Variants in ACTN2 observed in about 807,000 individuals in gnomAD.
The protein encoded by ACTN2 is actinin alpha 2, also known as alpha-actinin-2.
ACTN2 carries 39 observed loss-of-function variants against 113.8 expected under a neutral mutation model. The observed-to-expected ratio is 0.34, with a 90% CI of 0.27 to 0.45. The LOEUF (loss-of-function observed/expected upper bound fraction) is 0.45, where lower values mean the gene tolerates loss of function less well. ACTN2 is among the 20% of genes least tolerant of loss of function. The pLI is 1.00. For synonymous variants in ACTN2, 429 were observed against 444.1 expected (o/e 0.97, Z 0.43); for missense variants, 992 against 1,177.9 (o/e 0.84, Z 2.31).
chr1:236,703,547 T>C (rs1040781464), intron 1 of ACTN2, among the ~76,000 whole-genome samples: 74 of 151,836 alleles, frequency 4.9e-4, no homozygotes, highest in Non-Finnish European at 1.2e-4. Flanking sequence ...TAAAATAGTT[T>C]GGGAAGAATC....
In ACTN2 at chr1:236,754,877, A is replaced by G. The variant is rs1659505560; in HGVS notation, c.1975-142A>G. On this transcript the variant is annotated intron_variant, in intron 16 of 20. Coordinates refer to ENST00000366578, the MANE Select transcript of ACTN2 (RefSeq NM_001103.4). This position sits in a 1 kb window ranked among gnomAD's most constrained non-coding sequence, Gnocchi z 4.9. ...CTACCCAGTCCCCACTTCCTCTGAG[A>G]AAAGTGAACCGAGTGACACTGGCCG... The G allele has an allele frequency of 1.1e-6, 1 of 934,502 alleles. No individual in the cohort carries two copies. Among genetic ancestry groups the G allele is most frequent in the Non-Finnish European group, 1.7e-6 (1 of 572,114 alleles). 57.9% of individuals were successfully genotyped at this position (934,502 alleles called of 1,614,324 possible).
At chr1:236,723,827 C>G (rs1658469475) in intron 4 of ACTN2, among the ~76,000 whole-genome samples, 1 of 152,050 alleles carries the variant, frequency 6.6e-6, no homozygotes, top group African/African-American at 2.4e-5. Context: ...CAACCCCTTC[C>G]TAAGATGGAA....
At chr1:236,731,094 T>A in intron 6 of ACTN2, 139 bp from the exon 7 acceptor site, 1 of 647,298 alleles carries the variant, frequency 1.5e-6, no homozygotes, top group Non-Finnish European at 2.7e-6. Flanking sequence ...TGGGAAAAGA[T>A]GAAAAGGAAA....
Position 236,762,611 on chromosome 1 carries a change from G to A in ACTN2, c.2677G>A (p.Asp893Asn), listed in dbSNP as rs142646143. 1.1e-4 allele frequency: 175 copies of A among 1,613,832 alleles called. No homozygotes were observed. The highest frequency in any genetic ancestry group is 1.4e-4 in the Non-Finnish European group (162 of 1,179,956). Residue 893 changes from aspartate (D) to asparagine (N), a missense_variant, in exon 21 of 21, where the codon GAT (aspartate) becomes AAT (asparagine). By Grantham distance (23) the Asp-to-Asn change is conservative (BLOSUM62 1). Transcript: ENST00000366578. ...CTCTTCCGCACTCTACGGGGAGAGC[G>A]ATCTGTGATGCTGAGCTTCTGTAAT... ...AFSSALYGESDL is the reference protein window; with the variant it reads ...AFSSALYGESNL
At chr1:236,701,565 G>A (rs980103829) in intron 1 of ACTN2, among the ~76,000 whole-genome samples, 3 of 152,026 alleles carry the variant, frequency 2.0e-5, no homozygotes, top group Non-Finnish European at 4.4e-5. Flanking sequence ...TATACTTTTG[G>A]TTTTGTATTA....
chr1:236,762,166 A>G (rs541318538), intron 20 of ACTN2, among the ~76,000 whole-genome samples: 1 of 152,180 alleles, frequency 6.6e-6, no homozygotes, highest in African/African-American at 2.4e-5. Flanking sequence ...CTGGTATGAA[A>G]TGCAGATCAT....
intron 14 of ACTN2, among the ~76,000 whole-genome samples, chr1:236,750,433 C>T (rs769239617): frequency 1.3e-5 from 2 of 152,162 alleles, no homozygotes; most frequent in African/African-American, 4.8e-5. Flanking sequence ...GGCCAACAGT[C>T]TAAAATCGTT....
intron 1 of ACTN2, among the ~76,000 whole-genome samples, chr1:236,715,120 T>C (rs1012421204): frequency 6.6e-6 from 1 of 151,692 alleles, no homozygotes; most frequent in African/African-American, 2.4e-5. Flanking sequence ...TGGATTTTTC[T>C]TTGAACCCTT....
intron 1 of ACTN2, among the ~76,000 whole-genome samples, chr1:236,704,721 C>T (rs561434185): frequency 1.3e-5 from 2 of 152,190 alleles, no homozygotes. Flanking sequence ...CCCAGCAGGT[C>T]GCCCTCCAGG....
chr1:236,700,344 A>C (rs1051506908), intron 1 of ACTN2, among the ~76,000 whole-genome samples: 3 of 152,188 alleles, frequency 2.0e-5, no homozygotes, highest in African/African-American at 7.2e-5. Flanking sequence ...CACCACACCC[A>C]GCTAATTGTC....
At chr1:236,750,845 T>C (rs1321595667) in intron 14 of ACTN2, among the ~76,000 whole-genome samples, 1 of 151,936 alleles carries the variant, frequency 6.6e-6, no homozygotes, top group East Asian at 1.9e-4. Flanking sequence ...TCCCAACACT[T>C]TGGGAGGCCA....
intron 1 of ACTN2, among the ~76,000 whole-genome samples, chr1:236,701,395 T>C (rs1202058418): frequency 1.3e-5 from 2 of 152,196 alleles, no homozygotes; most frequent in East Asian, 3.8e-4. Context: ...ATCTCATATA[T>C]AGTCTAGTAA....
Position 236,727,659 on chromosome 1 carries a change from C to T in ACTN2, c.537-19C>T. The T allele has an allele frequency of 1.2e-6, 2 of 1,613,850 alleles. No homozygotes were observed. Among genetic ancestry groups the T allele is most frequent in the South Asian group, 1.1e-5 (1 of 91,068 alleles). The stretch of plus-strand genomic sequence containing the variant: ...CTCTCCACTAACACGTGTTCCTGTT[C>T]TTCTCGACGGCTGTGAAGCTGGAAA... On this transcript the variant is annotated intron_variant, in intron 5 of 20. Transcript: ENST00000366578.
At chr1:236,749,022 C>T (rs1432176253) in intron 13 of ACTN2, 102 bp from the exon 14 acceptor site, 2 of 1,303,004 alleles carry the variant, frequency 1.5e-6, no homozygotes, top group African/African-American at 2.9e-5. Flanking sequence ...ATACGATTAA[C>T]AGAATATCAG....
chr1:236,702,346 A>G (rs1657703055), intron 1 of ACTN2, among the ~76,000 whole-genome samples: 1 of 152,218 alleles, frequency 6.6e-6, no homozygotes, highest in Admixed American at 6.5e-5. Context: ...TGCTCTCCTG[A>G]ATTATTGTTT....
At chr1:236,690,576 G>A (rs1666044456) in intron 1 of ACTN2, among the ~76,000 whole-genome samples, 1 of 152,128 alleles carries the variant, frequency 6.6e-6, no homozygotes, top group South Asian at 2.1e-4. Flanking sequence ...GGATCAAATG[G>A]TTAAACTGTT....
chr1:236,760,868 T>C (rs1659683356), intron 19 of ACTN2, 147 bp from the exon 20 acceptor site: 3 of 1,033,920 alleles, frequency 2.9e-6, no homozygotes, highest in Non-Finnish European at 4.5e-6. Context: ...TTAAGGGGAA[T>C]CTTGTCCAAA....
At chr1:236,739,617 C>G in intron 10 of ACTN2, 85 bp downstream of exon 10, 1 of 1,459,196 alleles carries the variant, frequency 6.9e-7, no homozygotes, top group South Asian at 1.2e-5. Flanking sequence ...CAGGAGGAGG[C>G]ATTGACTTCT....
In ACTN2 at chr1:236,754,098, C is replaced by G; in HGVS notation, c.1974+17C>G. The G allele has an allele frequency of 6.2e-7, 1 of 1,613,200 alleles. No homozygotes were observed. Among genetic ancestry groups the G allele is most frequent in the Non-Finnish European group, 8.5e-7 (1 of 1,180,012 alleles). On this transcript the variant is annotated intron_variant, in intron 16 of 20. Transcript: ENST00000366578. The surrounding 1 kb of genome is among the most constrained non-coding windows in gnomAD (Gnocchi z 4.9). ...AAGATGGAGGTAAGCCAGCGCCCTC[C>G]CAGGCGCTGTTCACAAGCCTTGCGA...
Sources: allele counts gnomAD v4.1 joint callset (sites outside exome capture counted in the v4.1 genomes callset), GRCh38; gene constraint gnomAD v4.1.1; non-coding constraint Gnocchi (gnomAD v3.1); transcripts MANE v1.5; gene names NCBI Gene and HGNC (gene_info 2026-07-23, HGNC 2026-07-21).